Variants in RORB observed in about 807,000 individuals in gnomAD.
RORB encodes the protein nuclear receptor ROR-beta.
RORB carries 6 observed loss-of-function variants against 59.1 expected under a neutral mutation model. The observed-to-expected ratio is 0.10, with a 90% CI of 0.06 to 0.20. The LOEUF is 0.20. Among genes scored for constraint, RORB ranks in the 10% least tolerant of loss-of-function variants. The probability of loss-of-function intolerance (pLI) is 1.00; values close to 1 mark genes in which losing one functional copy is unlikely to be tolerated. For missense variants in RORB, 320 were observed against 560.5 expected (o/e 0.57, Z 4.33); for synonymous variants, 215 against 204.5 (o/e 1.05, Z -0.44).
At chr9:74,607,249 TTA>T (rs1231259352) in intron 1 of RORB, among the ~76,000 whole-genome samples, 1 of 152,200 alleles carries the variant, frequency 6.6e-6, no homozygotes, top group African/African-American at 2.4e-5. Context: ...GGGAAGATTC[TTA>T]TGTTATCAAT....
intron 1 of RORB, among the ~76,000 whole-genome samples, chr9:74,578,681 A>G (rs565876994): frequency 1.7e-4 from 2 of 11,612 alleles, no homozygotes; most frequent in African/African-American, 1.8e-4. Context: ...TTGGAGTAGA[A>G]GATCCTTTTT....
intron 1 of RORB, among the ~76,000 whole-genome samples, chr9:74,536,244 G>A (rs1014043738): frequency 3.3e-5 from 5 of 151,854 alleles, no homozygotes; most frequent in African/African-American, 1.2e-4. Context: ...AAAAGGGCGG[G>A]GGCTAAAATA....
At chr9:74,566,655 G>C (rs1822474166) in intron 1 of RORB, among the ~76,000 whole-genome samples, 1 of 152,228 alleles carries the variant, frequency 6.6e-6, no homozygotes, top group South Asian at 2.1e-4. Context: ...AAATTAGCTG[G>C]GTGTGGTGGC....
chr9:74,508,883 T>C (rs1447907465), intron 1 of RORB, among the ~76,000 whole-genome samples: 2 of 149,464 alleles, frequency 1.3e-5, no homozygotes, highest in East Asian at 3.9e-4. Context: ...AATCCAGTTC[T>C]ATTTTTATTA....
intron 1 of RORB, chr9:74,498,764 C>A (rs1051112413): frequency 1.3e-5 from 2 of 154,180 alleles, no homozygotes; most frequent in African/African-American, 4.8e-5. Flanking sequence ...GATAAAGGGC[C>A]GGTAGTGGAA....
At chr9:74,571,068 G>A (rs1400422504) in intron 1 of RORB, among the ~76,000 whole-genome samples, 2 of 151,834 alleles carry the variant, frequency 1.3e-5, no homozygotes, top group African/African-American at 4.8e-5. Flanking sequence ...AGAAATGTGT[G>A]CATTAAAGTT....
chr9:74,682,953 T>G (rs1824571494), intron 9 of RORB, among the ~76,000 whole-genome samples: 1 of 152,130 alleles, frequency 6.6e-6, no homozygotes, highest in Non-Finnish European at 1.5e-5. Flanking sequence ...GAAGCAGTGT[T>G]TTTCAAAATC....
chr9:74,580,175 C>T (rs183183216), intron 1 of RORB, among the ~76,000 whole-genome samples: 3 of 152,020 alleles, frequency 2.0e-5, no homozygotes, highest in East Asian at 1.9e-4. Flanking sequence ...TAAGTGGTGA[C>T]GACCGTATTT....
At chr9:74,663,880 C>T (rs560372742) in intron 6 of RORB, among the ~76,000 whole-genome samples, 1 of 152,142 alleles carries the variant, frequency 6.6e-6, no homozygotes, top group Non-Finnish European at 1.5e-5. Context: ...GTTCCAAAAG[C>T]TAGCACCCCA....
intron 1 of RORB, among the ~76,000 whole-genome samples, chr9:74,607,549 G>A (rs754723678): frequency 2.6e-5 from 4 of 151,914 alleles, no homozygotes; most frequent in Admixed American, 6.6e-5. Context: ...AAAGCAGACA[G>A]GGAAAGATAC....
rs1303571800 is a variant in RORB, at chr9:74,690,973, CAA to C, written c.*5356_*5357del. On this transcript the variant is annotated 3_prime_UTR_variant, in exon 10 of 10. Transcript: ENST00000376896. ...AACTGTGTGACTTCAATATCTGTGA[CAA>C]GTTTTTATTTTCCCTTAGTTGTATG... is the stretch of plus-strand genomic sequence containing the variant. 6.6e-6 allele frequency: 1 copy of C among 152,100 alleles called. No individual in the cohort carries two copies. The highest frequency in any genetic ancestry group is 1.5e-5 in the Non-Finnish European group (1 of 68,040). 9.4% of individuals were successfully genotyped at this position (152,100 alleles called of 1,614,324 possible). A position where few individuals can be genotyped will look rare whatever the true frequency, so the allele number is the denominator to read the frequency against.
intron 1 of RORB, among the ~76,000 whole-genome samples, chr9:74,517,912 A>G (rs766557267): frequency 7.9e-5 from 12 of 152,074 alleles, no homozygotes; most frequent in Non-Finnish European, 1.2e-4. Flanking sequence ...GTTAATCATC[A>G]GAATAAACCC....
intron 1 of RORB, among the ~76,000 whole-genome samples, chr9:74,543,694 A>G (rs1826447992): frequency 6.6e-6 from 1 of 152,208 alleles, no homozygotes; most frequent in Admixed American, 6.5e-5. Context: ...AATGAAAACA[A>G]ATTGAGTCAG....
chr9:74,548,271 T>G (rs1826534968), intron 1 of RORB, among the ~76,000 whole-genome samples: 1 of 152,184 alleles, frequency 6.6e-6, no homozygotes, highest in African/African-American at 2.4e-5. Context: ...ATCCTAGAAA[T>G]TATCTTTTTT....
intron 1 of RORB, among the ~76,000 whole-genome samples, chr9:74,623,274 C>T (rs60777931): frequency 0.011 from 1,681 of 152,244 alleles, 37 homozygotes; most frequent in African/African-American, 0.038. Context: ...GTGCCATTAC[C>T]AAACATTGCT....
chr9:74,572,754 G>A (rs1822572004), intron 1 of RORB, among the ~76,000 whole-genome samples: 1 of 152,106 alleles, frequency 6.6e-6, no homozygotes, highest in African/African-American at 2.4e-5. Context: ...TCCTCAGTAG[G>A]TTTCACTTAA....
chr9:74,662,380 T>G, intron 5 of RORB, 94 bp from the exon 6 acceptor site: 1 of 1,210,632 alleles, frequency 8.3e-7, no homozygotes, highest in East Asian at 2.4e-5. Flanking sequence ...TGGCCCCAAG[T>G]GACAGATAAG....
intron 1 of RORB, among the ~76,000 whole-genome samples, chr9:74,539,777 A>T (rs1157757008): frequency 6.6e-6 from 1 of 151,926 alleles, no homozygotes; most frequent in Non-Finnish European, 1.5e-5. Flanking sequence ...TTCCATGTGA[A>T]GGTAGAAGGA....
At chr9:74,510,527 G>T (rs919889171) in intron 1 of RORB, among the ~76,000 whole-genome samples, 2 of 152,124 alleles carry the variant, frequency 1.3e-5, no homozygotes, top group Non-Finnish European at 2.9e-5. Flanking sequence ...TGTAATAGCA[G>T]TTAAAATTTA....
Sources: gnomAD v4.1 joint callset for allele counts (sites outside exome capture counted in the v4.1 genomes callset) on GRCh38, gnomAD v4.1.1 for gene constraint, MANE v1.5 for transcripts, NCBI Gene and HGNC (gene_info 2026-07-23, HGNC 2026-07-21) for gene names.